PPARA: variants seen among roughly 807,000 people sequenced by gnomAD.
PPARA encodes the protein peroxisome proliferator-activated receptor alpha.
Under a neutral mutation model 42.2 loss-of-function variants are expected in PPARA, and 22 were observed. That is an observed-to-expected ratio of 0.52 (90% CI 0.37 to 0.74). The LOEUF (loss-of-function observed/expected upper bound fraction) is 0.74, where lower values mean the gene tolerates loss of function less well. Ranked by LOEUF, PPARA falls within the 30% of genes least tolerant of loss-of-function variation. The pLI, the probability that PPARA is intolerant of heterozygous loss-of-function variation, is 0.00. For synonymous variants in PPARA, 242 were observed against 239.3 expected (o/e 1.01, Z -0.10); for missense variants, 465 against 608.2 (o/e 0.76, Z 2.48).
chr22:46,157,629 CTCTT>C (rs900178110), intron 2 of PPARA, among the ~76,000 whole-genome samples: 32 of 152,100 alleles, frequency 2.1e-4, no homozygotes, highest in Admixed American at 4.6e-4. Context: ...AAATAAAATC[CTCTT>C]TCTTTCTGCA....
Position 46,195,155 on chromosome 22 carries a change from A to G in PPARA, c.-42-3187A>G, listed in dbSNP as rs1932080441. On this transcript the variant is annotated intron_variant, in intron 3 of 8. Transcript: ENST00000407236. The surrounding 1 kb of genome is among the most constrained non-coding windows in gnomAD (Gnocchi z 4.6). ...TGACCTTAAGTGATCTGCCCGCCTC[A>G]GCCTCCCAAAGTGCTGGGATTACAG... Among the ~76,000 whole-genome samples, 1 of 151,918 alleles carries G rather than the reference A, an allele frequency of 6.6e-6. No homozygotes were observed. Among genetic ancestry groups the G allele is most frequent in the Non-Finnish European group, 1.5e-5 (1 of 67,984 alleles).
chr22:46,161,870 C>T lies in PPARA; in HGVS notation c.-127+9900C>T, dbSNP rs550123393. On this transcript the variant is annotated intron_variant, in intron 2 of 8. Transcript: ENST00000407236. This position sits in a 1 kb window ranked among gnomAD's most constrained non-coding sequence, Gnocchi z 4.8. Reference sequence around the variant, plus strand: ...GATGCCCCCACCCCCTCTGGCTCCACGAGGCCCCCTGTACGTCACCATCAC... The same window carrying T: ...GATGCCCCCACCCCCTCTGGCTCCATGAGGCCCCCTGTACGTCACCATCAC... Among the ~76,000 whole-genome samples the T allele has an allele frequency of 2.0e-5, 3 of 152,266 alleles. No individual in the cohort carries two copies. In the South Asian group the frequency reaches 6.2e-4, roughly 32 times the overall value.
chr22:46,240,138 T>C lies in PPARA; in HGVS notation c.*4758T>C, dbSNP rs1936334352. On this transcript the variant is annotated 3_prime_UTR_variant, in exon 9 of 9. Coordinates refer to ENST00000407236, the MANE Select transcript of PPARA (RefSeq NM_005036.6). The surrounding 1 kb of genome is among the most constrained non-coding windows in gnomAD (Gnocchi z 6.0). ...GGTACCTCTTCAACAGTGTGGCCTT[T>C]CAAAATGCAGATGCCACCAGGAGAA... 2.5e-6 allele frequency: 1 copy of C among 398,614 alleles called. No individual in the cohort carries two copies. The highest frequency in any genetic ancestry group is 2.1e-5 in the African/African-American group (1 of 48,648). 24.7% of individuals were successfully genotyped at this position (398,614 alleles called of 1,614,324 possible).
At chr22:46,214,964 C>G (rs1934332517) in intron 4 of PPARA, among the ~76,000 whole-genome samples, 1 of 152,098 alleles carries the variant, frequency 6.6e-6, no homozygotes, top group Non-Finnish European at 1.5e-5. Context: ...TGAGAGCGAG[C>G]ATGCTGGCTT....
rs902171185 is a variant in PPARA at position 46,212,307 on chromosome 22, T to C, written c.209-2866T>C. Among the ~76,000 whole-genome samples, 3 of 152,190 alleles carry C rather than the reference T, an allele frequency of 2.0e-5. No homozygotes were observed. Among genetic ancestry groups the C allele is most frequent in the African/African-American group, 7.2e-5 (3 of 41,452 alleles). On this transcript the variant is annotated intron_variant, in intron 4 of 8. Coordinates refer to ENST00000407236, the MANE Select transcript of PPARA (RefSeq NM_005036.6). The surrounding 1 kb of genome is among the most constrained non-coding windows in gnomAD (Gnocchi z 4.2). ...CCTGAGCTCAAGTTATCTGCCAGCC[T>C]CGGCCTCCCAAAGTGCTGGGATGAC...
chr22:46,197,404 G>A (rs970338975), intron 3 of PPARA, among the ~76,000 whole-genome samples: 1 of 152,166 alleles, frequency 6.6e-6, no homozygotes, highest in Non-Finnish European at 1.5e-5. Context: ...ATATTGTACG[G>A]AGCTGCGACA....
At chr22:46,202,619 A>G (rs1365954529) in intron 4 of PPARA, among the ~76,000 whole-genome samples, 3 of 152,030 alleles carry the variant, frequency 2.0e-5, no homozygotes, top group Non-Finnish European at 4.4e-5. Flanking sequence ...GCACCTCTTA[A>G]GCTTAAGGAC....
rs868617694 is a variant in PPARA, at chr22:46,195,642, A to G, written c.-42-2700A>G. On this transcript the variant is annotated intron_variant, in intron 3 of 8. Coordinates refer to ENST00000407236, the MANE Select transcript of PPARA (RefSeq NM_005036.6). The surrounding 1 kb of genome is among the most constrained non-coding windows in gnomAD (Gnocchi z 4.6). ...CACCGCACTAAAAGCTGTTGTTTAC[A>G]TGAAGCAAACCTCAAATGTGAACAT... Among the ~76,000 whole-genome samples, 2 of 152,252 alleles carry G rather than the reference A, an allele frequency of 1.3e-5. No individual in the cohort carries two copies. The highest frequency in any genetic ancestry group is 2.4e-5 in the African/African-American group (1 of 41,476).
At chr22:46,199,922 C>T (rs1012969885) in intron 4 of PPARA, among the ~76,000 whole-genome samples, 7 of 152,088 alleles carry the variant, frequency 4.6e-5, no homozygotes, top group East Asian at 1.9e-4. Flanking sequence ...GGGGTTTCAC[C>T]GTGTTGGCCA....
At chr22:46,181,040 G>T (rs1406416152) in intron 3 of PPARA, among the ~76,000 whole-genome samples, 2 of 151,502 alleles carry the variant, frequency 1.3e-5, no homozygotes, top group Non-Finnish European at 2.9e-5. Context: ...TGATTCAGAT[G>T]ACAGGGTTTT....
At position 46,187,415 on chromosome 22, in the gene PPARA, G is replaced by T. The variant is rs560524666; in HGVS notation, c.-43+10579G>T. 7.4e-4 allele frequency among the ~76,000 whole-genome samples: 113 copies of T among 152,206 alleles called. No homozygotes were observed. The highest frequency in any genetic ancestry group is 2.6e-3 in the African/African-American group (110 of 41,520). On this transcript the variant is annotated intron_variant, in intron 3 of 8. Transcript: ENST00000407236. The surrounding 1 kb of genome is among the most constrained non-coding windows in gnomAD (Gnocchi z 4.9). The stretch of plus-strand genomic sequence containing the variant: ...ACATTCATCCTAGACTCTGTCCCAG[G>T]TCCCTGGTCCAGGCAGCTGCCAGTT...
intron 4 of PPARA, 72 bp from the exon 5 acceptor site, chr22:46,215,101 C>T: frequency 1.3e-6 from 2 of 1,565,346 alleles, no homozygotes; most frequent in Non-Finnish European, 1.8e-6. Context: ...GAAATCACAT[C>T]CTCATAGACC....
chr22:46,230,523 G>C lies in PPARA; in HGVS notation c.712-1269G>C, dbSNP rs1240118585. ...AATTTCAGCCAACAGCAGTGTTTGT[G>C]CTCATTTTCCCCGGCTCTCCCACAC... is the stretch of plus-strand genomic sequence containing the variant. On this transcript the variant is annotated intron_variant, in intron 7 of 8. Transcript: ENST00000407236. The surrounding 1 kb of genome is among the most constrained non-coding windows in gnomAD (Gnocchi z 5.0). Among the ~76,000 whole-genome samples, 2 of 152,216 alleles carry C rather than the reference G, an allele frequency of 1.3e-5. No homozygotes were observed. The highest frequency in any genetic ancestry group is 1.3e-4 in the Admixed American group (2 of 15,272).
At position 46,187,622 on chromosome 22, in the gene PPARA, C is replaced by T. The variant is rs978652562; in HGVS notation, c.-42-10720C>T. On this transcript the variant is annotated intron_variant, in intron 3 of 8. Transcript: ENST00000407236. The surrounding 1 kb of genome is among the most constrained non-coding windows in gnomAD (Gnocchi z 4.9). ...GACAATCCTGATACAAATCTGATCACGTCACACTTCCCTTCAATAGTCTTC... is the reference window on the plus strand; with the variant it reads ...GACAATCCTGATACAAATCTGATCATGTCACACTTCCCTTCAATAGTCTTC... 7.2e-5 allele frequency among the ~76,000 whole-genome samples: 11 copies of T among 152,186 alleles called. No individual in the cohort carries two copies. The highest frequency in any genetic ancestry group is 3.9e-4 in the East Asian group (2 of 5,192).
chr22:46,169,114 A>T (rs970517466), intron 2 of PPARA, among the ~76,000 whole-genome samples: 4 of 151,956 alleles, frequency 2.6e-5, no homozygotes, highest in Non-Finnish European at 5.9e-5. Flanking sequence ...CGATGAATAC[A>T]TGTTATTAGG....
rs545037535 is a variant in PPARA at position 46,222,032 on chromosome 22, G to A, written c.711+2018G>A. ...CTGGAGGTTGCAGTGAGCTGAGATC[G>A]CACCACTGCACTCCAGCTTGGGCAA... On this transcript the variant is annotated intron_variant, in intron 7 of 8. Coordinates refer to ENST00000407236, the MANE Select transcript of PPARA (RefSeq NM_005036.6). This position sits in a 1 kb window ranked among gnomAD's most constrained non-coding sequence, Gnocchi z 5.9. Among the ~76,000 whole-genome samples, 93 of 151,302 alleles carry A rather than the reference G, an allele frequency of 6.1e-4. No individual in the cohort carries two copies. Among genetic ancestry groups the A allele is most frequent in the African/African-American group, 2.0e-3 (83 of 41,140 alleles).
intron 4 of PPARA, among the ~76,000 whole-genome samples, chr22:46,201,970 G>A (rs926927082): frequency 6.6e-6 from 1 of 152,148 alleles, no homozygotes; most frequent in South Asian, 2.1e-4. Context: ...CACCCCCAGG[G>A]TGAAAAATAT....
At position 46,211,477 on chromosome 22, in the gene PPARA, C is replaced by G. The variant is rs986390519; in HGVS notation, c.209-3696C>G. The stretch of plus-strand genomic sequence containing the variant: ...TATTCGGTGCAGCGCCTTTCCGCAC[C>G]TGCACCCACTTTTTCCCCTGAGATT... On this transcript the variant is annotated intron_variant, in intron 4 of 8. Coordinates refer to ENST00000407236, the MANE Select transcript of PPARA (RefSeq NM_005036.6). The surrounding 1 kb of genome is among the most constrained non-coding windows in gnomAD (Gnocchi z 4.1). Among the ~76,000 whole-genome samples the G allele has an allele frequency of 8.5e-5, 13 of 152,316 alleles. No homozygotes were observed. The highest frequency in any genetic ancestry group is 2.9e-4 in the African/African-American group (12 of 41,556).
intron 4 of PPARA, among the ~76,000 whole-genome samples, chr22:46,205,391 G>A (rs1033217299): frequency 1.3e-5 from 2 of 148,408 alleles, no homozygotes; most frequent in South Asian, 4.3e-4. Flanking sequence ...TAAGTTTTTT[G>A]TATTTATTTG....
Sources: allele counts gnomAD v4.1 joint callset (sites outside exome capture counted in the v4.1 genomes callset), GRCh38; gene constraint gnomAD v4.1.1; non-coding constraint Gnocchi (gnomAD v3.1); transcripts MANE v1.5; gene names NCBI Gene and HGNC (gene_info 2026-07-23, HGNC 2026-07-21).